Variants in KHDRBS1 observed in about 807,000 individuals in gnomAD.
The protein encoded by KHDRBS1 is KH RNA binding domain containing, signal transduction associated 1.
Under a neutral mutation model 48.4 loss-of-function variants are expected in KHDRBS1, and 7 were observed. The ratio of observed to expected loss-of-function variants is 0.14; its 90% CI spans 0.08 to 0.27. The LOEUF (loss-of-function observed/expected upper bound fraction) is 0.27, where lower values mean the gene tolerates loss of function less well. KHDRBS1 is among the 10% of genes least tolerant of loss of function. The probability of loss-of-function intolerance (pLI) is 1.00; values close to 1 mark genes in which losing one functional copy is unlikely to be tolerated. For synonymous variants in KHDRBS1, 241 were observed against 235.8 expected (o/e 1.02, Z -0.20); for missense variants, 458 against 601.2 (o/e 0.76, Z 2.49).
chr1:32,029,160 C>T (rs1448421646), intron 1 of KHDRBS1, among the ~76,000 whole-genome samples: 1 of 152,156 alleles, frequency 6.6e-6, no homozygotes. Flanking sequence ...GGTAGGAAAT[C>T]TTTTTGTATG....
chr1:32,044,166 G>A (rs1639330139), downstream of KHDRBS1, among the ~76,000 whole-genome samples: 1 of 152,202 alleles, frequency 6.6e-6, no homozygotes, highest in Admixed American at 6.5e-5. Flanking sequence ...CAACTGAGCT[G>A]AAACTTGGAT....
intron 10 of KHDRBS1, among the ~76,000 whole-genome samples, chr1:32,058,844 T>C (rs1639511635): frequency 6.6e-6 from 1 of 151,886 alleles, no homozygotes; most frequent in African/African-American, 2.4e-5. Context: ...ATTGCAAACA[T>C]AGAGAAGTCA....
intron 10 of KHDRBS1, among the ~76,000 whole-genome samples, chr1:32,056,196 G>A (rs930164035): frequency 1.3e-5 from 2 of 149,838 alleles, no homozygotes; most frequent in East Asian, 2.0e-4. Flanking sequence ...GGAATGGGCC[G>A]ATAGGAGTTC....
In KHDRBS1 at chr1:32,031,510, C is replaced by T. The variant is rs772301856; in HGVS notation, c.508-14C>T. 17 of 1,491,976 alleles carry T rather than the reference C, an allele frequency of 1.1e-5. No individual in the cohort carries two copies. The East Asian group carries it at 3.4e-4, about 30-fold the overall frequency. 92.4% of individuals were successfully genotyped at this position (1,491,976 alleles called of 1,614,324 possible). A position where few individuals can be genotyped will look rare whatever the true frequency, so the allele number is the denominator to read the frequency against. On this transcript the variant is annotated splice_polypyrimidine_tract_variant and intron_variant, in intron 2 of 8. Transcript: ENST00000327300. ...AGTAGCATGTATATTTAGAAATCCT[C>T]TATTTTCTGTCAGTTCAATTTTGTG...
intron 5 of KHDRBS1, among the ~76,000 whole-genome samples, chr1:32,037,461 G>T (rs1639205078): frequency 6.6e-6 from 1 of 151,098 alleles, no homozygotes; most frequent in African/African-American, 2.5e-5. Flanking sequence ...AAAAAAAATA[G>T]AGTTCTAGAT....
intron 10 of KHDRBS1, among the ~76,000 whole-genome samples, chr1:32,049,036 C>T (rs1639386651): frequency 6.6e-6 from 1 of 151,010 alleles, no homozygotes; most frequent in Non-Finnish European, 1.5e-5. Flanking sequence ...TGACTGGCTT[C>T]CTTTTTGTTT....
intron 3 of KHDRBS1, 60 bp from the exon 4 acceptor site, chr1:32,033,128 G>A: frequency 7.2e-7 from 1 of 1,385,576 alleles, no homozygotes; most frequent in Non-Finnish European, 1.0e-6. Flanking sequence ...TTGGCTTAGA[G>A]GTAAAGGTGG....
chr1:32,018,455 C>T (rs137859978), intron 1 of KHDRBS1, among the ~76,000 whole-genome samples: 4 of 145,844 alleles, frequency 2.7e-5, no homozygotes, highest in Admixed American at 6.9e-5. Flanking sequence ...TGTGAGACTC[C>T]GTCTCAAAAA....
downstream of KHDRBS1, among the ~76,000 whole-genome samples, chr1:32,048,438 A>G (rs1347961955): frequency 6.6e-6 from 1 of 152,178 alleles, no homozygotes; most frequent in Non-Finnish European, 1.5e-5. Context: ...TGAGTCGAGG[A>G]GTTCAAGGTT....
At position 32,042,861 on chromosome 1, in the gene KHDRBS1, G is replaced by A. The variant is rs1639305254; in HGVS notation, c.*237G>A. On this transcript the variant is annotated 3_prime_UTR_variant, in exon 9 of 9. Transcript: ENST00000327300. ...GGAATATTGAATTAATTTTTTAAGT[G>A]TGTAGATGCTTTTTTCTTTGTTGTT... 1 of 310,248 alleles carries A rather than the reference G, an allele frequency of 3.2e-6. No individual in the cohort carries two copies. The highest frequency in any genetic ancestry group is 5.9e-6 in the Non-Finnish European group (1 of 168,712). 19.2% of individuals were successfully genotyped at this position (310,248 alleles called of 1,614,324 possible).
At chr1:32,033,399 G>A in intron 4 of KHDRBS1, 65 bp downstream of exon 4, 1 of 1,588,850 alleles carries the variant, frequency 6.3e-7, no homozygotes, top group South Asian at 1.1e-5. Flanking sequence ...CTGTTGTGAA[G>A]GTAGGGGTTC....
chr1:32,045,659 C>G (rs1569817470), downstream of KHDRBS1, among the ~76,000 whole-genome samples: 1 of 152,262 alleles, frequency 6.6e-6, no homozygotes, highest in South Asian at 2.1e-4. Flanking sequence ...ACTTGGAGTT[C>G]ATTGGTTGCA....
chr1:32,056,913 C>T (rs914673784), intron 10 of KHDRBS1, among the ~76,000 whole-genome samples: 3 of 152,148 alleles, frequency 2.0e-5, no homozygotes, highest in African/African-American at 4.8e-5. Context: ...CTTCATGGAG[C>T]TTATAGTCTA....
At chr1:32,058,746 T>C (rs183193510) in intron 10 of KHDRBS1, among the ~76,000 whole-genome samples, 1 of 152,188 alleles carries the variant, frequency 6.6e-6, no homozygotes, top group Admixed American at 6.5e-5. Context: ...GAGGTTGTAG[T>C]GAATTGAGAT....
intron 1 of KHDRBS1, among the ~76,000 whole-genome samples, chr1:32,016,972 TGAC>T (rs1036241040): frequency 3.3e-5 from 5 of 152,112 alleles, no homozygotes; most frequent in Non-Finnish European, 5.9e-5. Context: ...GAAAAAATGA[TGAC>T]AGCCGTGCAC....
chr1:32,051,002 T>C (rs902023320), intron 10 of KHDRBS1, among the ~76,000 whole-genome samples: 11 of 152,030 alleles, frequency 7.2e-5, no homozygotes, highest in African/African-American at 2.7e-4. Flanking sequence ...GTTCAAGCAG[T>C]TCTCCCTGCC....
intron 10 of KHDRBS1, among the ~76,000 whole-genome samples, chr1:32,049,393 T>G (rs1639391895): frequency 6.6e-6 from 1 of 151,898 alleles, no homozygotes; most frequent in African/African-American, 2.4e-5. Context: ...TCAAGGTTCA[T>G]CCATGTTGTA....
At chr1:32,033,047 A>G (rs1215752930) in intron 3 of KHDRBS1, 141 bp from the exon 4 acceptor site, 1 of 597,664 alleles carries the variant, frequency 1.7e-6, no homozygotes, top group East Asian at 2.8e-5. Context: ...TTTTTTGTTT[A>G]ATTCTTCTCA....
At chr1:32,034,454 G>C (rs1270907237) in intron 4 of KHDRBS1, among the ~76,000 whole-genome samples, 1 of 152,142 alleles carries the variant, frequency 6.6e-6, no homozygotes, top group Non-Finnish European at 1.5e-5. Flanking sequence ...CAGCTACTAG[G>C]GAGGCTGAGG....
Sources: allele counts gnomAD v4.1 joint callset (sites outside exome capture counted in the v4.1 genomes callset), GRCh38; gene constraint gnomAD v4.1.1; transcripts MANE v1.5; gene names NCBI Gene and HGNC (gene_info 2026-07-23, HGNC 2026-07-21).